Variants in NELL2 observed in about 807,000 individuals in gnomAD.
The protein encoded by NELL2 is protein kinase C-binding protein NELL2.
A neutral mutation model predicts 109.6 loss-of-function variants in NELL2; 41 were observed. The ratio of observed to expected loss-of-function variants is 0.37; its 90% CI spans 0.29 to 0.49. The LOEUF is 0.49. Among genes scored for constraint, NELL2 ranks in the 20% least tolerant of loss-of-function variants. The probability of loss-of-function intolerance (pLI) is 0.98; values close to 1 mark genes in which losing one functional copy is unlikely to be tolerated. For synonymous variants in NELL2, 355 were observed against 344.7 expected, an observed-to-expected ratio of 1.03 and a Z score of -0.33; for missense variants, 900 against 1,008.3, an observed-to-expected ratio of 0.89 and a Z score of 1.45.
intron 15 of NELL2, among the ~76,000 whole-genome samples, chr12:44,586,992 G>T (rs1020434707): frequency 6.6e-6 from 1 of 151,980 alleles, no homozygotes; most frequent in Admixed American, 6.6e-5. Context: ...TTAAGTATGG[G>T]CCGGGAGCAG....
At chr12:44,804,225 C>T (rs1942926077) in intron 3 of NELL2, among the ~76,000 whole-genome samples, 1 of 151,756 alleles carries the variant, frequency 6.6e-6, no homozygotes, top group Non-Finnish European at 1.5e-5. Context: ...GGTTAAAGTA[C>T]AAAGGAAAGA....
intron 3 of NELL2, among the ~76,000 whole-genome samples, chr12:44,791,755 A>G (rs1401521160): frequency 6.6e-6 from 1 of 152,102 alleles, no homozygotes; most frequent in Non-Finnish European, 1.5e-5. Flanking sequence ...AGTTTAGATA[A>G]GGTAAATCAA....
upstream of NELL2, chr12:44,877,146 T>TAGAGAGAGAGAGAG (rs10624802): frequency 6.7e-6 from 1 of 149,504 alleles, no homozygotes; most frequent in African/African-American, 2.5e-5. Flanking sequence ...AGGAGATGGT[T>TAGAGAGAGAGAGAG]AGAGAGAGAG....
At chr12:44,842,355 TC>T (rs1287631876) in intron 2 of NELL2, among the ~76,000 whole-genome samples, 2 of 152,178 alleles carry the variant, frequency 1.3e-5, no homozygotes, top group Non-Finnish European at 1.5e-5. Flanking sequence ...GACATTGTTT[TC>T]AATAAACCAT....
intron 15 of NELL2, among the ~76,000 whole-genome samples, chr12:44,537,864 A>G (rs564527087): frequency 7.9e-5 from 12 of 152,300 alleles, no homozygotes; most frequent in African/African-American, 2.6e-4. Flanking sequence ...AATTTCATAT[A>G]AGAAGACTGA....
At chr12:44,735,085 T>G (rs1470568625) in intron 9 of NELL2, among the ~76,000 whole-genome samples, 1 of 152,154 alleles carries the variant, frequency 6.6e-6, no homozygotes, top group Non-Finnish European at 1.5e-5. Flanking sequence ...TTTTTTGTCT[T>G]CAATTTTTCT....
Position 44,520,873 on chromosome 12 carries a change from T to C in NELL2, c.2176-644A>G, listed in dbSNP as rs948068892. Among the ~76,000 whole-genome samples the C allele has an allele frequency of 2.0e-5, 3 of 152,302 alleles. No individual in the cohort carries two copies. The East Asian group carries it at 5.8e-4, about 29-fold the overall frequency. On this transcript the variant is annotated intron_variant, in intron 18 of 19. Transcript: ENST00000429094. ...TCTTCATAATTCTGAATCTCATGGT[T>C]TGGGAGATGAAAGCAGCCTTCGGGC...
At chr12:44,823,883 G>A (rs558708888) in intron 2 of NELL2, among the ~76,000 whole-genome samples, 18 of 152,028 alleles carry the variant, frequency 1.2e-4, no homozygotes, top group Middle Eastern at 3.4e-3. Flanking sequence ...TTTTCTCCTC[G>A]TCCTTGCCAA....
intron 2 of NELL2, among the ~76,000 whole-genome samples, chr12:44,824,884 A>G (rs1296857831): frequency 6.6e-6 from 1 of 151,284 alleles, no homozygotes; most frequent in African/African-American, 2.4e-5. Context: ...CTGATTTTTT[A>G]TACTTTTAGT....
chr12:44,872,018 T>C (rs1173841097), intron 2 of NELL2, among the ~76,000 whole-genome samples: 1 of 152,128 alleles, frequency 6.6e-6, no homozygotes, highest in Admixed American at 6.5e-5. Context: ...CATGCTAACA[T>C]TGCTAGAAAG....
At chr12:44,834,502 T>C (rs1943990076) in intron 2 of NELL2, among the ~76,000 whole-genome samples, 1 of 151,282 alleles carries the variant, frequency 6.6e-6, no homozygotes, top group Admixed American at 6.6e-5. Flanking sequence ...GAAAACCTTA[T>C]ATATCACAAA....
At chr12:44,577,563 C>T (rs1377267746) in intron 15 of NELL2, among the ~76,000 whole-genome samples, 5 of 150,006 alleles carry the variant, frequency 3.3e-5, no homozygotes, top group South Asian at 4.2e-4. Context: ...CTGCAAGCCC[C>T]GCCTCCCGGG....
chr12:44,545,773 G>A (rs372092877), intron 15 of NELL2, among the ~76,000 whole-genome samples: 39 of 152,222 alleles, frequency 2.6e-4, no homozygotes, highest in African/African-American at 9.1e-4. Flanking sequence ...TGATATGATA[G>A]AGAATATGGA....
chr12:44,814,378 G>T (rs1464009555), intron 3 of NELL2, among the ~76,000 whole-genome samples: 1 of 152,192 alleles, frequency 6.6e-6, no homozygotes, highest in African/African-American at 2.4e-5. Context: ...ACAACAGGTT[G>T]TTCTGCAAAT....
intron 12 of NELL2, among the ~76,000 whole-genome samples, chr12:44,668,153 T>TC (rs1400060735): frequency 6.6e-6 from 1 of 152,090 alleles, no homozygotes; most frequent in East Asian, 1.9e-4. Context: ...GCTGGACCCA[T>TC]CAGTGCAAGC....
chr12:44,663,086 G>A (rs73098381), intron 13 of NELL2, among the ~76,000 whole-genome samples: 24,936 of 152,028 alleles, frequency 0.16, 2,109 homozygotes, highest in East Asian at 0.21. Flanking sequence ...CAGGATAGAA[G>A]ACTTTGGTCA....
chr12:44,599,302 A>C (rs1273905627), intron 15 of NELL2, among the ~76,000 whole-genome samples: 4 of 152,168 alleles, frequency 2.6e-5, no homozygotes, highest in Non-Finnish European at 4.4e-5. Context: ...AATGCTGTAA[A>C]TTTTATAATA....
chr12:44,861,113 G>A (rs1014799809), intron 2 of NELL2, among the ~76,000 whole-genome samples: 2 of 152,170 alleles, frequency 1.3e-5, no homozygotes, highest in Admixed American at 6.5e-5. Flanking sequence ...GCACCTGGGT[G>A]TGGCACAGAA....
At chr12:44,886,913 T>C (rs978442721) in intron 1 of NELL2, among the ~76,000 whole-genome samples, 5 of 151,952 alleles carry the variant, frequency 3.3e-5, no homozygotes, top group Middle Eastern at 3.2e-3. Context: ...CAACATGCGA[T>C]ATTAATCTTT....
Sources: allele counts gnomAD v4.1 joint callset (sites outside exome capture counted in the v4.1 genomes callset), GRCh38; gene constraint gnomAD v4.1.1; transcripts MANE v1.5; gene names NCBI Gene and HGNC (gene_info 2026-07-23, HGNC 2026-07-21).